Variants in ABCC3 observed in about 807,000 individuals in gnomAD.
ABCC3 encodes ATP-binding cassette sub-family C member 3.
ABCC3 carries 121 observed loss-of-function variants against 165.3 expected under a neutral mutation model. The observed-to-expected ratio is 0.73, with a 90% CI of 0.63 to 0.85. ABCC3 has a LOEUF of 0.85. Ranked by LOEUF, ABCC3 falls within the 40% of genes least tolerant of loss-of-function variation. The pLI, the probability that ABCC3 is intolerant of heterozygous loss-of-function variation, is 0.00. For missense variants in ABCC3, 1,869 were observed against 1,964.1 expected, an observed-to-expected ratio of 0.95 and a Z score of 0.92; for synonymous variants, 733 against 810.1, an observed-to-expected ratio of 0.90 and a Z score of 1.62.
At chr17:50,659,394 C>T in intron 7 of ABCC3, 26 bp downstream of exon 7, 1 of 1,593,574 alleles carries the variant, frequency 6.3e-7, no homozygotes, top group Non-Finnish European at 8.6e-7. Flanking sequence ...TGCCCCAACA[C>T]CCAGCCCCTT....
At position 50,640,455 on chromosome 17, in the gene ABCC3, C is replaced by A. The variant is rs550786189; in HGVS notation, c.45+5474C>A. ...CAGAAGCACATTGGCCAGTTGAGCCCGTGAGCCATCCCTGCAAGGGGCCAG... is the reference window on the plus strand; with the variant it reads ...CAGAAGCACATTGGCCAGTTGAGCCAGTGAGCCATCCCTGCAAGGGGCCAG... On this transcript the variant is annotated intron_variant, in intron 1 of 30. Transcript: ENST00000285238. Among the ~76,000 whole-genome samples the A allele has an allele frequency of 1.3e-4, 20 of 152,340 alleles. No individual in the cohort carries two copies. The East Asian group carries it at 3.5e-3, about 26-fold the overall frequency.
intron 1 of ABCC3, among the ~76,000 whole-genome samples, chr17:50,647,530 T>G (rs1189921184): frequency 1.3e-5 from 2 of 152,200 alleles, no homozygotes; most frequent in South Asian, 4.1e-4. Flanking sequence ...CAGGACAATC[T>G]GTGAACAATG....
At chr17:50,684,602 A>C (rs1266680262) in intron 28 of ABCC3, 107 bp from the exon 29 acceptor site, 1 of 1,233,130 alleles carries the variant, frequency 8.1e-7, no homozygotes, top group Non-Finnish European at 1.1e-6. Context: ...CTGGAAACAG[A>C]GTGGGAATGC....
intron 7 of ABCC3, among the ~76,000 whole-genome samples, chr17:50,660,070 G>A (rs1232867098): frequency 6.6e-6 from 1 of 152,146 alleles, no homozygotes; most frequent in Admixed American, 6.5e-5. Context: ...TGGTGGCAGA[G>A]CTGGAATCCA....
chr17:50,687,241 C>T (rs141467929), intron 29 of ABCC3: 1 of 420,288 alleles, frequency 2.4e-6, no homozygotes, highest in African/African-American at 2.0e-5. Context: ...CATCACGGCA[C>T]TAGCTGAAAA....
Position 50,669,426 on chromosome 17 carries a change from A to C in ABCC3, c.2139A>C (p.Lys713Asn). The change falls in exon 17 of 31, where the codon AAA becomes AAC. Residue 713 changes from lysine (K) to asparagine (N), a missense_variant. Physicochemically the swap from Lys to Asn is moderately conservative, Grantham distance 94. Coordinates refer to ENST00000285238, the MANE Select transcript of ABCC3 (RefSeq NM_003786.4). Reference protein sequence around the residue: ...CTLQENVLFGKALNPKRYQQT... With the variant: ...CTLQENVLFGNALNPKRYQQT... ...TTCAGGAAAACGTGCTTTTCGGCAA[A>C]GCCCTGAACCCCAAGCGCTACCAGC... 6.2e-7 allele frequency: 1 copy of C among 1,614,254 alleles called. No individual in the cohort carries two copies. The highest frequency in any genetic ancestry group is 1.1e-5 in the South Asian group (1 of 91,088).
intron 1 of ABCC3, chr17:50,635,503 T>C: frequency 1.4e-6 from 1 of 702,596 alleles, no homozygotes; most frequent in South Asian, 1.5e-5. Context: ...GAAGGTTTCC[T>C]GCCACCTTCT....
At chr17:50,638,121 G>A (rs1007246561) in intron 1 of ABCC3, among the ~76,000 whole-genome samples, 1 of 152,194 alleles carries the variant, frequency 6.6e-6, no homozygotes, top group African/African-American at 2.4e-5. Context: ...CCAAAAGAGT[G>A]AACTGTGTAA....
chr17:50,644,627 A>G (rs1359511784), intron 1 of ABCC3, among the ~76,000 whole-genome samples: 1 of 152,142 alleles, frequency 6.6e-6, no homozygotes. Flanking sequence ...CAGGAGAATC[A>G]CTTGAACCCT....
At chr17:50,655,469 T>G (rs1373333608) in intron 1 of ABCC3, among the ~76,000 whole-genome samples, 1 of 112,188 alleles carries the variant, frequency 8.9e-6, no homozygotes, top group Non-Finnish European at 1.9e-5. Flanking sequence ...AGAAAGAAAA[T>G]GAGCCTGGGA....
At chr17:50,642,514 C>T (rs1482137762) in intron 1 of ABCC3, among the ~76,000 whole-genome samples, 3 of 152,232 alleles carry the variant, frequency 2.0e-5, no homozygotes, top group Non-Finnish European at 2.9e-5. Context: ...GGCTCCATCA[C>T]CCGCTTCCCT....
At chr17:50,686,973 C>T (rs1445888290) in intron 29 of ABCC3, among the ~76,000 whole-genome samples, 1 of 152,086 alleles carries the variant, frequency 6.6e-6, no homozygotes, top group Admixed American at 6.5e-5. Context: ...AGGCTGAAGG[C>T]GTGTGTCCTG....
intron 29 of ABCC3, 31 bp downstream of exon 29, chr17:50,684,906 T>C: frequency 6.2e-7 from 1 of 1,604,988 alleles, no homozygotes; most frequent in Non-Finnish European, 8.5e-7. Flanking sequence ...GGTCAGGAAC[T>C]GCAACCCTCC....
Position 50,669,205 on chromosome 17 carries a change from C to T in ABCC3, c.2003C>T (p.Ser668Phe). 3.7e-6 allele frequency: 6 copies of T among 1,611,004 alleles called. No homozygotes were observed. Among genetic ancestry groups the T allele is most frequent in the Non-Finnish European group, 5.1e-6 (6 of 1,179,164 alleles). ...GTGGGGCCTGTGGGCTGTGGGAAGT[C>T]CTCCCTGGTGTCTGCCCTGCTGGGA... is the stretch of plus-strand genomic sequence containing the variant. ...AVVGPVGCGKSSLVSALLGEM... is the reference protein window; with the variant it reads ...AVVGPVGCGKFSLVSALLGEM... The change falls in exon 16 of 31, where the codon TCC becomes TTC. Residue 668 changes from serine (S) to phenylalanine (F), a missense_variant. By Grantham distance (155) the Ser-to-Phe change is radical (BLOSUM62 -2). Coordinates refer to ENST00000285238, the MANE Select transcript of ABCC3 (RefSeq NM_003786.4).
intron 1 of ABCC3, among the ~76,000 whole-genome samples, chr17:50,654,937 C>CAAA (rs67429689): frequency 1.5e-5 from 2 of 134,200 alleles, no homozygotes; most frequent in Non-Finnish European, 1.6e-5. Context: ...ATTAAAAATA[C>CAAA]AAAAAAAAAA....
At chr17:50,650,060 C>G (rs976841270) in intron 1 of ABCC3, among the ~76,000 whole-genome samples, 1 of 152,206 alleles carries the variant, frequency 6.6e-6, no homozygotes, top group Non-Finnish European at 1.5e-5. Flanking sequence ...GACCAATAAT[C>G]TAAGAACACC....
intron 26 of ABCC3, 129 bp from the exon 27 acceptor site, chr17:50,683,481 C>T (rs941982475): frequency 1.3e-5 from 14 of 1,044,766 alleles, no homozygotes; most frequent in Non-Finnish European, 1.8e-5. Context: ...GGCTGAGCCA[C>T]AGGGGTGCCA....
Position 50,669,276 on chromosome 17 carries a change from G to T in ABCC3, c.2064+10G>T. ...CAAAGTGCACATGAAGGTGAGAGAG[G>T]CAGGGGCTCCTGGGCAGGGTGTGGG... On this transcript the variant is annotated intron_variant, in intron 16 of 30. Transcript: ENST00000285238. 1 of 1,614,050 alleles carries T rather than the reference G, an allele frequency of 6.2e-7. No individual in the cohort carries two copies. Among genetic ancestry groups the T allele is most frequent in the Non-Finnish European group, 8.5e-7 (1 of 1,179,972 alleles).
intron 8 of ABCC3, among the ~76,000 whole-genome samples, chr17:50,661,777 A>G (rs1379679430): frequency 6.6e-6 from 1 of 152,222 alleles, no homozygotes; most frequent in Non-Finnish European, 1.5e-5. Flanking sequence ...TAAATCAATT[A>G]GAATTCAGTG....
Sources: allele counts gnomAD v4.1 joint callset (sites outside exome capture counted in the v4.1 genomes callset), GRCh38; gene constraint gnomAD v4.1.1; transcripts MANE v1.5; gene names NCBI Gene and HGNC (gene_info 2026-07-23, HGNC 2026-07-21).